The following CENPE variants were observed in gnomAD, a reference collection of about 807,000 sequenced individuals.
CENPE encodes the protein centromere-associated protein E.
Under a neutral mutation model 336.1 loss-of-function variants are expected in CENPE, and 145 were observed. The ratio of observed to expected loss-of-function variants is 0.43; its 90% CI spans 0.38 to 0.50. The LOEUF (loss-of-function observed/expected upper bound fraction) is 0.50. Ranked by LOEUF, CENPE falls within the 20% of genes least tolerant of loss-of-function variation. The pLI, the probability that CENPE is intolerant of heterozygous loss-of-function variation, is 0.00. For synonymous variants in CENPE, 1,013 were observed against 984.8 expected (o/e 1.03, Z -0.54); for missense variants, 2,719 against 3,023.3 (o/e 0.90, Z 2.36).
At chr4:103,183,513 G>T (rs1396887601) in intron 9 of CENPE, among the ~76,000 whole-genome samples, 1 of 151,332 alleles carries the variant, frequency 6.6e-6, no homozygotes, top group Non-Finnish European at 1.5e-5. Context: ...ATAGTAAAAA[G>T]AAAAAAATGA....
chr4:103,188,546 G>T (rs1186082319), intron 8 of CENPE, among the ~76,000 whole-genome samples: 1 of 151,926 alleles, frequency 6.6e-6, no homozygotes, highest in Non-Finnish European at 1.5e-5. Flanking sequence ...ATGACTACTG[G>T]GTACATAACA....
In CENPE at chr4:103,191,962, G is replaced by T. The variant is rs531095893; in HGVS notation, c.693+2267C>A. On this transcript the variant is annotated intron_variant, in intron 8 of 48. Coordinates refer to ENST00000265148, the MANE Select transcript of CENPE (RefSeq NM_001813.3). ...CAGCCCCATCAGGCAGCTGGGGCAGGAATCTCGGTGAGAGATAATACCAGC... is the reference window on the plus strand; with the variant it reads ...CAGCCCCATCAGGCAGCTGGGGCAGTAATCTCGGTGAGAGATAATACCAGC... Among the ~76,000 whole-genome samples the T allele has an allele frequency of 1.2e-4, 18 of 152,140 alleles. No individual in the cohort carries two copies. In the East Asian group the frequency reaches 3.5e-3, roughly 29 times the overall value.
At chr4:103,126,781 G>T (rs1751143394) in intron 42 of CENPE, among the ~76,000 whole-genome samples, 1 of 152,134 alleles carries the variant, frequency 6.6e-6, no homozygotes, top group Non-Finnish European at 1.5e-5. Flanking sequence ...ATGCTCTTAA[G>T]AGAAACGAAG....
intron 29 of CENPE, 43 bp from the exon 30 acceptor site, chr4:103,146,150 TTG>T (rs1560627331): frequency 1.8e-5 from 28 of 1,564,328 alleles, no homozygotes; most frequent in Non-Finnish European, 2.3e-5. Context: ...TCCAGAGATA[TTG>T]TGTTTTAGGG....
intron 37 of CENPE, 59 bp from the exon 38 acceptor site, chr4:103,140,138 G>T: frequency 1.4e-6 from 2 of 1,447,344 alleles, no homozygotes; most frequent in Non-Finnish European, 1.9e-6. Flanking sequence ...AAGGCAAATA[G>T]TGTCTACTTG....
chr4:103,128,995 A>G (rs1751361704), intron 42 of CENPE, among the ~76,000 whole-genome samples: 3 of 152,202 alleles, frequency 2.0e-5, no homozygotes, highest in Non-Finnish European at 4.4e-5. Context: ...GAAAAAGAAT[A>G]CAAATTACTA....
chr4:103,167,837 G>A (rs965429888), intron 16 of CENPE, among the ~76,000 whole-genome samples: 8 of 152,186 alleles, frequency 5.3e-5, no homozygotes, highest in African/African-American at 1.9e-4. Flanking sequence ...AAAACTATCT[G>A]TCAAGGGGTC....
At chr4:103,140,153 C>G in intron 37 of CENPE, 74 bp from the exon 38 acceptor site, 1 of 1,441,452 alleles carries the variant, frequency 6.9e-7, no homozygotes, top group Non-Finnish European at 9.4e-7. Context: ...TACTTGTGTT[C>G]TATATGCACA....
chr4:103,132,187 T>C (rs1168842702), intron 42 of CENPE, among the ~76,000 whole-genome samples: 1 of 152,092 alleles, frequency 6.6e-6, no homozygotes, highest in African/African-American at 2.4e-5. Context: ...TAGGGGAGAT[T>C]GTGTTTGTGG....
chr4:103,194,444 G>A lies in CENPE; in HGVS notation c.560-3C>T. 1 of 1,594,422 alleles carries A rather than the reference G, an allele frequency of 6.3e-7. No homozygotes were observed. Among genetic ancestry groups the A allele is most frequent in the Non-Finnish European group, 8.6e-7 (1 of 1,168,002 alleles). On this transcript the variant is annotated splice_polypyrimidine_tract_variant and splice_region_variant and intron_variant, in intron 6 of 48. Transcript: ENST00000265148. ...TGTTTCTCCATAATGCCTGCTCTCT[G>A]TAAAAATGAGTTATATTTCAGCTGC...
In CENPE at chr4:103,181,578, A is replaced by C. The variant is rs191323310; in HGVS notation, c.964-122T>G. The C allele has an allele frequency of 1.7e-3, 1,278 of 763,122 alleles. 2 individuals are homozygous for C. The highest frequency in any genetic ancestry group is 2.3e-3 in the Non-Finnish European group (1,170 of 505,280). 47.3% of individuals were successfully genotyped at this position (763,122 alleles called of 1,614,324 possible). Reference sequence around the variant, plus strand: ...ATCAATACTCTTTCTAGTTGGCTTAATACTTTTGAACAAAGGGAACATTCT... The same window carrying C: ...ATCAATACTCTTTCTAGTTGGCTTACTACTTTTGAACAAAGGGAACATTCT... On this transcript the variant is annotated intron_variant, in intron 11 of 48. Coordinates refer to ENST00000265148, the MANE Select transcript of CENPE (RefSeq NM_001813.3).
At chr4:103,174,976 T>A in intron 15 of CENPE, 73 bp from the exon 16 acceptor site, 2 of 917,232 alleles carry the variant, frequency 2.2e-6, no homozygotes, top group South Asian at 3.9e-5. Flanking sequence ...AAATTTGAAT[T>A]ATTTAAATAA....
At position 103,115,172 on chromosome 4, in the gene CENPE, C is replaced by T. The variant is rs531066218; in HGVS notation, c.7443-620G>A. ...TTTTGAGACGAAGTCTTGGTCTTGT[C>T]CCCCAGGCTGGAGTGCAATGGCGCT... On this transcript the variant is annotated intron_variant, in intron 45 of 48. Coordinates refer to ENST00000265148, the MANE Select transcript of CENPE (RefSeq NM_001813.3). Among the ~76,000 whole-genome samples the T allele has an allele frequency of 2.0e-5, 3 of 150,578 alleles. No individual in the cohort carries two copies. In the South Asian group the frequency reaches 6.3e-4, roughly 31 times the overall value.
At position 103,145,967 on chromosome 4, in the gene CENPE, T is replaced by A. The variant is rs750086534; in HGVS notation, c.4275A>T (p.Gly1425=). 3 of 1,613,988 alleles carry A rather than the reference T, an allele frequency of 1.9e-6. No homozygotes were observed. The Admixed American group carries it at 5.0e-5, about 27-fold the overall frequency. The change falls in exon 30 of 49, where the codon GGA becomes GGT. Residue 1425 remains glycine, a synonymous_variant. Transcript: ENST00000265148. ...ALLRIEIEML[G]LSKRLQESHD... ...GACTTTCTTGAAGTCTTTTGGACAATCCGAGCATTTCTATTTCTATCCTTA... is the reference window on the plus strand; with the variant it reads ...GACTTTCTTGAAGTCTTTTGGACAAACCGAGCATTTCTATTTCTATCCTTA...
At chr4:103,159,413 A>G in intron 21 of CENPE, 89 bp from the exon 22 acceptor site, 1 of 798,626 alleles carries the variant, frequency 1.3e-6, no homozygotes, top group Non-Finnish European at 1.8e-6. Flanking sequence ...CTGCAAAAAG[A>G]GAAGTTATTT....
At chr4:103,120,410 T>A in intron 43 of CENPE, 77 bp from the exon 44 acceptor site, 3 of 1,228,378 alleles carry the variant, frequency 2.4e-6, no homozygotes, top group Non-Finnish European at 3.4e-6. Flanking sequence ...ACAGAGATGA[T>A]CATATTTAGA....
intron 12 of CENPE, 140 bp downstream of exon 12, chr4:103,181,197 T>C (rs2126019987): frequency 2.2e-6 from 1 of 455,452 alleles, no homozygotes; most frequent in Non-Finnish European, 3.6e-6. Flanking sequence ...TATGAGTGGA[T>C]TTCTTCTTCT....
At chr4:103,164,167 T>C (rs1252096246) in intron 16 of CENPE, among the ~76,000 whole-genome samples, 2 of 152,138 alleles carry the variant, frequency 1.3e-5, no homozygotes, top group Non-Finnish European at 2.9e-5. Flanking sequence ...CACTCCATTA[T>C]ATTGTTCAAC....
At chr4:103,127,475 T>G (rs1311778877) in intron 42 of CENPE, among the ~76,000 whole-genome samples, 1 of 151,522 alleles carries the variant, frequency 6.6e-6, no homozygotes, top group Non-Finnish European at 1.5e-5. Context: ...GAAAGGAAAA[T>G]GATATAGCCA....
Sources: gnomAD v4.1 joint callset for allele counts (sites outside exome capture counted in the v4.1 genomes callset) on GRCh38, gnomAD v4.1.1 for gene constraint, MANE v1.5 for transcripts, NCBI Gene and HGNC (gene_info 2026-07-23, HGNC 2026-07-21) for gene names.